Variants in CTNNA1 observed in about 807,000 individuals in gnomAD.
The protein encoded by CTNNA1 is catenin alpha 1, also known as catenin alpha-1.
Under a neutral mutation model 98.4 loss-of-function variants are expected in CTNNA1, and 37 were observed. The ratio of observed to expected loss-of-function variants is 0.38; its 90% CI spans 0.29 to 0.49. The LOEUF is 0.49. Ranked by LOEUF, CTNNA1 falls within the 20% of genes least tolerant of loss-of-function variation. The probability of loss-of-function intolerance (pLI) is 0.95; values close to 1 mark genes in which losing one functional copy is unlikely to be tolerated. For missense variants in CTNNA1, 761 were observed against 1,147.2 expected (o/e 0.66, Z 4.86); for synonymous variants, 404 against 413.2 (o/e 0.98, Z 0.27).
At chr5:138,815,573 C>T (rs1759351660) in intron 5 of CTNNA1, among the ~76,000 whole-genome samples, 1 of 152,108 alleles carries the variant, frequency 6.6e-6, no homozygotes, top group Non-Finnish European at 1.5e-5. Flanking sequence ...TCCTCTTGTC[C>T]CTTCATTCCT....
chr5:138,797,700 AT>A (rs1407994134), intron 3 of CTNNA1, among the ~76,000 whole-genome samples: 3 of 152,048 alleles, frequency 2.0e-5, no homozygotes, highest in Admixed American at 1.3e-4. Flanking sequence ...CCATAGCTGG[AT>A]TTCTGAGCCA....
chr5:138,875,631 G>GC, intron 7 of CTNNA1: 22 of 985,440 alleles, frequency 2.2e-5, no homozygotes, highest in Non-Finnish European at 2.7e-5. Context: ...GATTTTTAAT[G>GC]CTTGTGAGAG....
chr5:138,804,035 T>C (rs761026210), intron 3 of CTNNA1, among the ~76,000 whole-genome samples: 1 of 152,258 alleles, frequency 6.6e-6, no homozygotes, highest in Non-Finnish European at 1.5e-5. Flanking sequence ...TGTCTTCTGA[T>C]CTTGTTTTAC....
rs577721099 is a variant in CTNNA1 at position 138,800,563 on chromosome 5, G to A, written c.302-9475G>A. On this transcript the variant is annotated intron_variant, in intron 3 of 17. Coordinates refer to ENST00000302763, the MANE Select transcript of CTNNA1 (RefSeq NM_001903.5). ...TAATCCCAGCACTTTGGGAGGCCAA[G>A]GCAGGCAGATCACCTGAGGTCAGGA... 1.2e-4 allele frequency among the ~76,000 whole-genome samples: 19 copies of A among 152,216 alleles called. No individual in the cohort carries two copies. The East Asian group carries it at 2.9e-3, about 23-fold the overall frequency.
intron 3 of CTNNA1, among the ~76,000 whole-genome samples, chr5:138,790,717 G>A (rs1756258909): frequency 6.6e-6 from 1 of 152,222 alleles, no homozygotes; most frequent in East Asian, 1.9e-4. Flanking sequence ...AGAAATGATT[G>A]TGTGTGTCTG....
Position 138,776,049 on chromosome 5 carries a change from T to TC in CTNNA1, c.-2-5874_-2-5873insC, listed in dbSNP as rs1754110935. Among the ~76,000 whole-genome samples the TC allele has an allele frequency of 2.7e-5, 4 of 145,468 alleles. No individual in the cohort carries two copies. The South Asian group carries it at 8.9e-4, about 32-fold the overall frequency. On this transcript the variant is annotated intron_variant, in intron 1 of 17. Transcript: ENST00000302763. ...CCTCTGGAAATGTTTCTTTTTTTTT[T>TC]TTTTTTTTTTTTTTATTGATCATTC... is the stretch of plus-strand genomic sequence containing the variant.
intron 5 of CTNNA1, among the ~76,000 whole-genome samples, chr5:138,814,343 G>T (rs895412519): frequency 1.3e-5 from 2 of 151,732 alleles, no homozygotes; most frequent in African/African-American, 4.8e-5. Context: ...CCGCCTCCCG[G>T]GTTCAAGTGA....
chr5:138,779,693 C>G (rs1011875396), intron 1 of CTNNA1, among the ~76,000 whole-genome samples: 9 of 148,378 alleles, frequency 6.1e-5, no homozygotes, highest in Non-Finnish European at 8.9e-5. Context: ...AATACTTGGG[C>G]ACTGATAACA....
intron 7 of CTNNA1, chr5:138,875,768 G>A (rs940052039): frequency 1.0e-6 from 1 of 969,178 alleles, no homozygotes; most frequent in African/African-American, 1.8e-5. Flanking sequence ...AGTTTGGAAA[G>A]CTATTCAGTT....
At position 138,887,639 on chromosome 5, in the gene CTNNA1, T is replaced by C. The variant is rs755215402; in HGVS notation, c.1293T>C (p.Ile431=). 1 of 1,606,648 alleles carries C rather than the reference T, an allele frequency of 6.2e-7. No homozygotes were observed. The highest frequency in any genetic ancestry group is 1.3e-5 in the African/African-American group (1 of 74,546). Residue 431 remains isoleucine (I), a synonymous_variant, in exon 9 of 18, where the codon ATT becomes ATC. Transcript: ENST00000302763. ...TCCGTGAACATGCCAACAAATTGAT[T>C]GAGGTAAGTGAATTAGCAGTTTCAT... ...QVFREHANKL[I]EVANLACSIS...
At chr5:138,827,159 G>GT (rs1375810204) in intron 6 of CTNNA1, among the ~76,000 whole-genome samples, 2 of 152,166 alleles carry the variant, frequency 1.3e-5, no homozygotes, top group East Asian at 3.8e-4. Flanking sequence ...CAAGTAAGAG[G>GT]TAACTTTTAT....
intron 3 of CTNNA1, among the ~76,000 whole-genome samples, chr5:138,794,176 C>T (rs910486613): frequency 6.6e-6 from 1 of 152,070 alleles, no homozygotes. Context: ...CGCCACCATG[C>T]CTGGCTAATT....
chr5:138,867,096 C>G (rs973774084), intron 7 of CTNNA1, among the ~76,000 whole-genome samples: 1 of 152,204 alleles, frequency 6.6e-6, no homozygotes, highest in African/African-American at 2.4e-5. Flanking sequence ...TGTTAATAAG[C>G]TCTGCTTTTA....
intron 7 of CTNNA1, among the ~76,000 whole-genome samples, chr5:138,852,350 TC>T (rs1177595760): frequency 2.0e-5 from 3 of 151,904 alleles, no homozygotes; most frequent in Non-Finnish European, 2.9e-5. Context: ...TCGAGGTACT[TC>T]CTTTCACCTC....
intron 10 of CTNNA1, chr5:138,904,792 TA>T (rs200757425): frequency 2.0e-3 from 345 of 169,534 alleles, no homozygotes; most frequent in Middle Eastern, 0.01. Flanking sequence ...CACCATCTCT[TA>T]AAAAAAAAAT....
intron 10 of CTNNA1, among the ~76,000 whole-genome samples, chr5:138,916,519 C>T (rs1030463737): frequency 5.3e-5 from 8 of 151,254 alleles, no homozygotes; most frequent in South Asian, 2.1e-4. Context: ...CGAGCCACCA[C>T]GCCCAGCTTG....
intron 1 of CTNNA1, among the ~76,000 whole-genome samples, chr5:138,779,528 C>CG (rs1225158793): frequency 2.3e-4 from 35 of 150,876 alleles, no homozygotes; most frequent in South Asian, 1.3e-3. Context: ...GGAAATGGTC[C>CG]GTTTTTTAAA....
At position 138,834,205 on chromosome 5, in the gene CTNNA1, A is replaced by G. The variant is rs2048221; in HGVS notation, c.1062+6487A>G. Among the ~76,000 whole-genome samples, 725 of 152,272 alleles carry G rather than the reference A, an allele frequency of 4.8e-3. 3 individuals carry two copies. The highest frequency in any genetic ancestry group is 0.015 in the African/African-American group (610 of 41,556). Reference sequence around the variant, plus strand: ...ACTCTGAAGAGCTTGTTACTGCATTATGTTGTGGCTACACTTTTCTTTTCT... The same window carrying G: ...ACTCTGAAGAGCTTGTTACTGCATTGTGTTGTGGCTACACTTTTCTTTTCT... On this transcript the variant is annotated intron_variant, in intron 7 of 17. Transcript: ENST00000302763.
At chr5:138,810,317 C>T (rs998482911) in intron 4 of CTNNA1, 113 bp downstream of exon 4, 1 of 1,121,272 alleles carries the variant, frequency 8.9e-7, no homozygotes, top group Non-Finnish European at 1.3e-6. Context: ...TGGTTTATCT[C>T]AATGGACCAG....
Sources: allele counts gnomAD v4.1 joint callset (sites outside exome capture counted in the v4.1 genomes callset), GRCh38; gene constraint gnomAD v4.1.1; transcripts MANE v1.5; gene names NCBI Gene and HGNC (gene_info 2026-07-23, HGNC 2026-07-21).